The following BICRAL variants were observed in gnomAD, a reference collection of about 807,000 sequenced individuals.
BICRAL encodes the protein BICRA like chromatin remodeling complex associated protein, also known as BRD4-interacting chromatin-remodeling complex-associated protein-like.
Under a neutral mutation model 91.8 loss-of-function variants are expected in BICRAL, and 8 were observed. The observed-to-expected ratio is 0.09, with a 90% CI of 0.05 to 0.16. BICRAL has a LOEUF of 0.16. Among genes scored for constraint, BICRAL ranks in the 10% least tolerant of loss-of-function variants. The pLI is 1.00. For synonymous variants in BICRAL, 445 were observed against 491.1 expected, an observed-to-expected ratio of 0.91 and a Z score of 1.24; for missense variants, 1,038 against 1,310.9, an observed-to-expected ratio of 0.79 and a Z score of 3.21.
intron 1 of BICRAL, among the ~76,000 whole-genome samples, chr6:42,766,825 G>C (rs537570074): frequency 6.6e-6 from 1 of 152,276 alleles, no homozygotes; most frequent in African/African-American, 2.4e-5. Flanking sequence ...CGGATCATGA[G>C]GTCAGGAGAT....
intron 1 of BICRAL, among the ~76,000 whole-genome samples, chr6:42,793,316 TTTTTTTTTTG>T (rs1763331621): frequency 1.8e-5 from 2 of 108,406 alleles, no homozygotes; most frequent in African/African-American, 7.7e-5. Context: ...TTTTTTTTTT[TTTTTTTTTTG>T]TATTTTTAGT....
chr6:42,844,233 T>C (rs115536016), intron 6 of BICRAL, among the ~76,000 whole-genome samples: 54,300 of 148,896 alleles, frequency 0.36, 10,115 homozygotes, highest in South Asian at 0.47. Context: ...GAGGATGGGC[T>C]TGGCACGGTG....
chr6:42,757,230 G>A (rs1762475480), intron 1 of BICRAL, among the ~76,000 whole-genome samples: 1 of 150,828 alleles, frequency 6.6e-6, no homozygotes, highest in Non-Finnish European at 1.5e-5. Flanking sequence ...AATCTACCAT[G>A]CTCTATATAA....
chr6:42,806,552 G>A (rs1763714692), intron 1 of BICRAL, among the ~76,000 whole-genome samples: 1 of 137,568 alleles, frequency 7.3e-6, no homozygotes. Flanking sequence ...TTACTCTTCT[G>A]GCCAGGCTGG....
rs775476888 is a variant in BICRAL at position 42,857,188 on chromosome 6, T to C, written c.2206T>C (p.Tyr736His). 6.2e-7 allele frequency: 1 copy of C among 1,613,676 alleles called. No homozygotes were observed. ...LSDAVQRLLS[Y>H]HVCQGSMPTE... ...TGATGCGGTACAGAGACTGCTCTCC[T>C]ACCACGTGTGCCAGGGCTCCATGCC... Residue 736 changes from tyrosine to histidine, a missense_variant, in exon 10 of 13, where the codon TAC (tyrosine) becomes CAC (histidine). By Grantham distance (83) the Tyr-to-His change is moderately conservative. Coordinates refer to ENST00000314073, the MANE Select transcript of BICRAL (RefSeq NM_001393499.1).
chr6:42,800,355 G>T (rs12663397), intron 1 of BICRAL, among the ~76,000 whole-genome samples: 43,363 of 151,668 alleles, frequency 0.29, 6,750 homozygotes, highest in South Asian at 0.46. Context: ...GTAGAGATGG[G>T]GTTTTGCCAT....
chr6:42,815,089 T>G (rs1036466193), intron 2 of BICRAL, among the ~76,000 whole-genome samples: 1 of 151,900 alleles, frequency 6.6e-6, no homozygotes, highest in Middle Eastern at 3.4e-3. Context: ...TTTTTTGTAT[T>G]TTTAGCAGAG....
chr6:42,785,635 A>G (rs975595518), intron 1 of BICRAL, among the ~76,000 whole-genome samples: 1 of 152,148 alleles, frequency 6.6e-6, no homozygotes, highest in African/African-American at 2.4e-5. Context: ...CCCTGATATA[A>G]AGACCTGAAG....
chr6:42,767,307 A>T (rs1437817109), intron 1 of BICRAL, among the ~76,000 whole-genome samples: 1 of 150,968 alleles, frequency 6.6e-6, no homozygotes, highest in Non-Finnish European at 1.5e-5. Flanking sequence ...TTTAATTATT[A>T]ATTAATGTCA....
chr6:42,828,325 C>T (rs1764363715), intron 5 of BICRAL, among the ~76,000 whole-genome samples, 168 bp from the exon 6 acceptor site: 1 of 150,506 alleles, frequency 6.6e-6, no homozygotes, highest in South Asian at 2.1e-4. Flanking sequence ...GGCGTGAACC[C>T]GGGAGGCGGA....
rs528289363 is a variant in BICRAL, at chr6:42,863,715, T to C, written c.2453-944T>C. ...TTTCAGACTGTTTCAAGGAGGTCATTAGCTGAAAACTAATTTAAAATAATA... is the reference window on the plus strand; with the variant it reads ...TTTCAGACTGTTTCAAGGAGGTCATCAGCTGAAAACTAATTTAAAATAATA... On this transcript the variant is annotated intron_variant, in intron 12 of 12. Transcript: ENST00000314073. Among the ~76,000 whole-genome samples, 3 of 152,280 alleles carry C rather than the reference T, an allele frequency of 2.0e-5. No homozygotes were observed. In the South Asian group the frequency reaches 6.2e-4, roughly 32 times the overall value.
chr6:42,862,701 A>T, intron 12 of BICRAL, 89 bp downstream of exon 12: 1 of 797,106 alleles, frequency 1.3e-6, no homozygotes, highest in Non-Finnish European at 2.2e-6. Flanking sequence ...AACTTTGGGT[A>T]AGAAACTTGA....
intron 5 of BICRAL, among the ~76,000 whole-genome samples, chr6:42,825,340 G>A (rs1238538134): frequency 6.0e-5 from 9 of 150,898 alleles, no homozygotes; most frequent in Middle Eastern, 6.9e-3. Flanking sequence ...CGAGGTGGGC[G>A]GATCATGAGG....
intron 1 of BICRAL, among the ~76,000 whole-genome samples, chr6:42,792,820 C>T (rs1288228985): frequency 2.0e-5 from 3 of 151,586 alleles, no homozygotes; most frequent in Non-Finnish European, 2.9e-5. Context: ...GGCTGAGGCA[C>T]AAGAATTGTT....
intron 1 of BICRAL, among the ~76,000 whole-genome samples, chr6:42,787,210 G>T (rs1029604837): frequency 6.6e-6 from 1 of 152,172 alleles, no homozygotes; most frequent in East Asian, 1.9e-4. Flanking sequence ...AATCAAGGGT[G>T]CCTTCAGGTT....
chr6:42,791,489 CT>C (rs1014365800), intron 1 of BICRAL, among the ~76,000 whole-genome samples: 2 of 152,180 alleles, frequency 1.3e-5, no homozygotes, highest in East Asian at 3.9e-4. Flanking sequence ...ATCCAGGACA[CT>C]TTTTTTCATT....
rs386406871 is a variant in BICRAL at position 42,846,061 on chromosome 6, CA to C, written c.1840-6012del. 6.0e-3 allele frequency among the ~76,000 whole-genome samples: 488 copies of C among 80,702 alleles called. 2 individuals are homozygous for C. The highest frequency in any genetic ancestry group is 0.015 in the African/African-American group (294 of 20,238). The allele number at this position is 80,702 out of a possible 152,430, so 52.9% of individuals were successfully genotyped here. A position where few individuals can be genotyped will look rare whatever the true frequency, so the allele number is the denominator to read the frequency against. The stretch of plus-strand genomic sequence containing the variant: ...TGGGCAATAGAGTGAGACTCCATCT[CA>C]AAAAAAAAAAAAAAAAAAGTTATAG... On this transcript the variant is annotated intron_variant, in intron 6 of 12. Coordinates refer to ENST00000314073, the MANE Select transcript of BICRAL (RefSeq NM_001393499.1).
intron 7 of BICRAL, chr6:42,852,406 A>T: frequency 1.5e-6 from 1 of 660,562 alleles, no homozygotes; most frequent in Non-Finnish European, 2.8e-6. Flanking sequence ...TCACGCCTGT[A>T]ATGCCAGCAC....
chr6:42,758,381 C>T (rs1217054529), intron 1 of BICRAL, among the ~76,000 whole-genome samples: 1 of 152,156 alleles, frequency 6.6e-6, no homozygotes, highest in African/African-American at 2.4e-5. Flanking sequence ...GTGTACCTCA[C>T]CAGCCTCATG....
Sources: gnomAD v4.1 joint callset for allele counts (sites outside exome capture counted in the v4.1 genomes callset) on GRCh38, gnomAD v4.1.1 for gene constraint, MANE v1.5 for transcripts, NCBI Gene and HGNC (gene_info 2026-07-23, HGNC 2026-07-21) for gene names.